Variants in SLC25A36 observed in about 807,000 individuals in gnomAD.
The protein encoded by SLC25A36 is epididymis secretory sperm binding protein.
In SLC25A36, 24 loss-of-function variants were observed where a neutral mutation model predicts 35.3. The observed-to-expected ratio is 0.68, with a 90% CI of 0.49 to 0.96. The LOEUF is 0.96. Among genes scored for constraint, SLC25A36 ranks in the 40% least tolerant of loss-of-function variants. The pLI is 0.00. For synonymous variants in SLC25A36, 141 were observed against 132.2 expected, an observed-to-expected ratio of 1.07 and a Z score of -0.46; for missense variants, 294 against 381.1, an observed-to-expected ratio of 0.77 and a Z score of 1.90.
At position 140,976,589 on chromosome 3, in the gene SLC25A36, T is replaced by A; in HGVS notation, c.*136T>A. 3.2e-6 allele frequency: 2 copies of A among 624,688 alleles called. No individual in the cohort carries two copies. The highest frequency in any genetic ancestry group is 5.0e-6 in the Non-Finnish European group (2 of 401,038). 38.7% of individuals were successfully genotyped at this position (624,688 alleles called of 1,614,324 possible). A position where few individuals can be genotyped will look rare whatever the true frequency, so the allele number is the denominator to read the frequency against. On this transcript the variant is annotated 3_prime_UTR_variant, in exon 7 of 7. Coordinates refer to ENST00000324194, the MANE Select transcript of SLC25A36 (RefSeq NM_001104647.3). ...ACTATTCTAAGTGGAAGTTTTGTTG[T>A]AGGAATTATAGTAATCACACCACAT...
At chr3:140,946,642 G>A (rs1269417259) in intron 1 of SLC25A36, among the ~76,000 whole-genome samples, 1 of 152,168 alleles carries the variant, frequency 6.6e-6, no homozygotes, top group East Asian at 1.9e-4. Flanking sequence ...ATTGAATGCA[G>A]AGTGTAGAAG....
chr3:140,975,339 T>G (rs1196485986), intron 6 of SLC25A36, among the ~76,000 whole-genome samples: 6 of 151,860 alleles, frequency 4.0e-5, no homozygotes, highest in Admixed American at 1.3e-4. Context: ...AACTCTGGGC[T>G]CAAGCGATTC....
chr3:140,962,998 T>C, intron 3 of SLC25A36, 129 bp from the exon 4 acceptor site: 1 of 506,998 alleles, frequency 2.0e-6, no homozygotes, highest in Non-Finnish European at 3.3e-6. Flanking sequence ...AAATCTAATG[T>C]TACATGAGAA....
chr3:140,954,327 T>A (rs1934419830), intron 1 of SLC25A36, among the ~76,000 whole-genome samples: 2 of 152,240 alleles, frequency 1.3e-5, no homozygotes, highest in African/African-American at 2.4e-5. Flanking sequence ...TTTTTAGCTA[T>A]GAATAAGTAT....
intron 1 of SLC25A36, among the ~76,000 whole-genome samples, chr3:140,950,518 C>T (rs1188713390): frequency 1.3e-5 from 2 of 152,090 alleles, no homozygotes; most frequent in African/African-American, 4.8e-5. Context: ...TCCCTACCAC[C>T]ATCTTCTTTT....
Position 140,976,713 on chromosome 3 carries a change from A to C in SLC25A36, c.*260A>C. ...CTCTCTCAAAATTGCCATTTTCTCT[A>C]CCATGTCCCCCAGACACAGTTGGGT... On this transcript the variant is annotated 3_prime_UTR_variant, in exon 7 of 7. Transcript: ENST00000324194. 1 of 299,746 alleles carries C rather than the reference A, an allele frequency of 3.3e-6. No individual in the cohort carries two copies. The highest frequency in any genetic ancestry group is 6.1e-6 in the Non-Finnish European group (1 of 162,782). The allele number at this position is 299,746 out of a possible 1,614,324, so 18.6% of individuals were successfully genotyped here. A position where few individuals can be genotyped will look rare whatever the true frequency, so the allele number is the denominator to read the frequency against.
At chr3:140,947,870 A>G (rs373379327) in intron 1 of SLC25A36, among the ~76,000 whole-genome samples, 4 of 152,248 alleles carry the variant, frequency 2.6e-5, no homozygotes, top group African/African-American at 7.2e-5. Context: ...TAGTTATACA[A>G]GTGTACTACC....
At position 140,945,465 on chromosome 3, in the gene SLC25A36, A is replaced by G. The variant is rs181231545; in HGVS notation, c.41+3370A>G. Among the ~76,000 whole-genome samples, 46 of 152,340 alleles carry G rather than the reference A, an allele frequency of 3.0e-4. No individual in the cohort carries two copies. The East Asian group carries it at 8.3e-3, about 27-fold the overall frequency. On this transcript the variant is annotated intron_variant, in intron 1 of 6. Transcript: ENST00000324194. ...GAGAATATTCTCAAATCATTTTTCT[A>G]TAAATGAATTACTGTAGCACAGCAG...
intron 1 of SLC25A36, among the ~76,000 whole-genome samples, chr3:140,955,023 C>T (rs569637111): frequency 6.6e-6 from 1 of 152,090 alleles, no homozygotes; most frequent in South Asian, 2.1e-4. Context: ...TTAAAATGTA[C>T]TGTGAGGTAA....
In SLC25A36 at chr3:140,970,920, T is replaced by G; in HGVS notation, c.386-7T>G. The stretch of plus-strand genomic sequence containing the variant: ...TACCAGAGTTCATTTTAAACATGTT[T>G]GTTTAGGTTTTACTGCAATCACAGC... On this transcript the variant is annotated splice_polypyrimidine_tract_variant and splice_region_variant and intron_variant, in intron 4 of 6. Coordinates refer to ENST00000324194, the MANE Select transcript of SLC25A36 (RefSeq NM_001104647.3). The G allele has an allele frequency of 1.4e-6, 2 of 1,386,562 alleles. No homozygotes were observed. Among genetic ancestry groups the G allele is most frequent in the Non-Finnish European group, 2.1e-6 (2 of 975,314 alleles). The allele number at this position is 1,386,562 out of a possible 1,614,324, so 85.9% of individuals were successfully genotyped here.
intron 4 of SLC25A36, among the ~76,000 whole-genome samples, chr3:140,968,912 AAGC>A (rs1249611019): frequency 6.6e-6 from 1 of 151,830 alleles, no homozygotes; most frequent in Non-Finnish European, 1.5e-5. Flanking sequence ...ATTCAATAAA[AAGC>A]AAATAGTTTT....
chr3:140,952,673 C>T (rs930895608), intron 1 of SLC25A36, among the ~76,000 whole-genome samples: 2 of 152,128 alleles, frequency 1.3e-5, no homozygotes, highest in African/African-American at 2.4e-5. Context: ...ATCATCTTTA[C>T]AACAAGCGTG....
At chr3:140,967,852 T>C in intron 4 of SLC25A36, 1 of 369,642 alleles carries the variant, frequency 2.7e-6, no homozygotes, top group Non-Finnish European at 3.7e-6. Context: ...ATATTAGTTC[T>C]TCTTAACTTA....
intron 1 of SLC25A36, among the ~76,000 whole-genome samples, chr3:140,954,118 T>C (rs1934410571): frequency 1.3e-5 from 2 of 152,214 alleles, no homozygotes; most frequent in Admixed American, 6.5e-5. Flanking sequence ...TTCTAGAATA[T>C]CATAAAAGTG....
At chr3:140,968,323 A>G (rs910269053) in intron 4 of SLC25A36, 38 of 778,034 alleles carry the variant, frequency 4.9e-5, no homozygotes, top group Middle Eastern at 6.3e-4. Flanking sequence ...ACCTAACCCA[A>G]TGGTTTGCTG....
chr3:140,943,577 C>A (rs750677876), intron 1 of SLC25A36, among the ~76,000 whole-genome samples: 1 of 152,180 alleles, frequency 6.6e-6, no homozygotes, highest in Admixed American at 6.5e-5. Flanking sequence ...TGAGCTCCCT[C>A]TTGTAATTAG....
chr3:140,943,061 C>T (rs1258438096), intron 1 of SLC25A36, among the ~76,000 whole-genome samples: 1 of 152,174 alleles, frequency 6.6e-6, no homozygotes, highest in Non-Finnish European at 1.5e-5. Flanking sequence ...AGTGTTAGAG[C>T]TTCCAGTTTA....
intron 3 of SLC25A36, among the ~76,000 whole-genome samples, chr3:140,961,645 G>A (rs904260614): frequency 2.6e-5 from 4 of 151,972 alleles, no homozygotes; most frequent in Non-Finnish European, 4.4e-5. Flanking sequence ...CACAAGGTCA[G>A]GAGATCGAGA....
chr3:140,948,842 A>C (rs914127959), intron 1 of SLC25A36, among the ~76,000 whole-genome samples: 6 of 152,186 alleles, frequency 3.9e-5, no homozygotes, highest in Non-Finnish European at 5.9e-5. Flanking sequence ...CTATCCAGTC[A>C]ATGGGGTTTT....
Sources: allele counts gnomAD v4.1 joint callset (sites outside exome capture counted in the v4.1 genomes callset), GRCh38; gene constraint gnomAD v4.1.1; transcripts MANE v1.5; gene names NCBI Gene and HGNC (gene_info 2026-07-23, HGNC 2026-07-21).